Variants in LRP2 observed in about 807,000 individuals in gnomAD.
LRP2 encodes the protein LDL receptor related protein 2.
Under a neutral mutation model 531.0 loss-of-function variants are expected in LRP2, and 172 were observed. The observed-to-expected ratio is 0.32, with a 90% CI of 0.29 to 0.37. LRP2 has a LOEUF of 0.37. LRP2 is among the 10% of genes least tolerant of loss of function. The pLI, the probability that LRP2 is intolerant of heterozygous loss-of-function variation, is 1.00. For missense variants in LRP2, 5,167 were observed against 5,868.3 expected, an observed-to-expected ratio of 0.88 and a Z score of 3.90; for synonymous variants, 1,992 against 2,027.6, an observed-to-expected ratio of 0.98 and a Z score of 0.47.
intron 16 of LRP2, among the ~76,000 whole-genome samples, chr2:169,260,418 G>T (rs1690498472): frequency 6.6e-6 from 1 of 152,022 alleles, no homozygotes; most frequent in Admixed American, 6.6e-5. Flanking sequence ...AAAAGAGAGG[G>T]AGATGTTCAT....
At chr2:169,327,233 GGGGGGT>G (rs1685100678) in intron 1 of LRP2, among the ~76,000 whole-genome samples, 1 of 126,722 alleles carries the variant, frequency 7.9e-6, no homozygotes, top group Non-Finnish European at 1.7e-5. Flanking sequence ...GAGGGAGGTG[GGGGGGT>G]CAGCCCCACG....
chr2:169,214,606 C>T (rs1005503454), intron 35 of LRP2, among the ~76,000 whole-genome samples: 1 of 152,160 alleles, frequency 6.6e-6, no homozygotes, highest in Non-Finnish European at 1.5e-5. Flanking sequence ...AGTGGTTATG[C>T]TGATGAAACT....
At chr2:169,257,398 C>T in intron 17 of LRP2, 149 bp from the exon 18 acceptor site, 1 of 790,556 alleles carries the variant, frequency 1.3e-6, no homozygotes, top group Non-Finnish European at 2.1e-6. Context: ...TAGTGTATAA[C>T]TCATGTAATT....
rs1295735606 is a variant in LRP2 at position 169,206,598 on chromosome 2, G to A, written c.7122C>T (p.Thr2374=). 6.2e-7 allele frequency: 1 copy of A among 1,614,070 alleles called. No individual in the cohort carries two copies. The highest frequency in any genetic ancestry group is 8.5e-7 in the Non-Finnish European group (1 of 1,180,016). Residue 2374 remains threonine, a synonymous_variant, in exon 39 of 79, where the codon ACC becomes ACT. Coordinates refer to ENST00000649046, the MANE Select transcript of LRP2 (RefSeq NM_004525.3). ...CACAATTCTTGCCATCACTTTGCAG[G>A]GTCCCAAAGGCACAGTCACATTTTG... ...HTPKCDCAFG[T]LQSDGKNCAI...
chr2:169,184,771 TG>T (rs1270566039), intron 50 of LRP2, among the ~76,000 whole-genome samples: 8 of 72,282 alleles, frequency 1.1e-4, no homozygotes, highest in African/African-American at 4.7e-4. Context: ...TTGTTTGTTT[TG>T]TTTTTTTTGA....
intron 76 of LRP2, among the ~76,000 whole-genome samples, chr2:169,134,906 C>T (rs2105330948): frequency 6.6e-6 from 1 of 152,300 alleles, no homozygotes. Flanking sequence ...AATGCTTATG[C>T]TGATAAATTA....
chr2:169,223,381 C>A (rs1430971820), intron 33 of LRP2, among the ~76,000 whole-genome samples: 1 of 152,018 alleles, frequency 6.6e-6, no homozygotes, highest in Non-Finnish European at 1.5e-5. Flanking sequence ...AGAAGAGAAC[C>A]CCATTTACTA....
intron 1 of LRP2, among the ~76,000 whole-genome samples, chr2:169,335,816 C>A (rs1330519173): frequency 2.6e-5 from 4 of 152,102 alleles, no homozygotes; most frequent in African/African-American, 7.2e-5. Flanking sequence ...GAGTTCAAGA[C>A]CAGCCTGGCC....
chr2:169,237,935 G>A (rs944224650), intron 27 of LRP2, among the ~76,000 whole-genome samples, 156 bp downstream of exon 27: 4 of 152,160 alleles, frequency 2.6e-5, no homozygotes, highest in African/African-American at 9.7e-5. Context: ...TAAATTCGTA[G>A]TTATGAACAC....
intron 9 of LRP2, among the ~76,000 whole-genome samples, chr2:169,284,368 G>A (rs145577206): frequency 0.049 from 6,610 of 134,902 alleles, 265 homozygotes; most frequent in African/African-American, 0.11. Flanking sequence ...GGGTTCAAGT[G>A]ATCCTTCCAC....
intron 6 of LRP2, among the ~76,000 whole-genome samples, chr2:169,293,272 G>A (rs954811734): frequency 3.9e-5 from 6 of 152,182 alleles, no homozygotes; most frequent in African/African-American, 1.4e-4. Flanking sequence ...AAAAACATAA[G>A]TGGAGAGGTG....
intron 38 of LRP2, 145 bp from the exon 39 acceptor site, chr2:169,207,395 T>G: frequency 1.5e-6 from 1 of 665,096 alleles, no homozygotes; most frequent in Non-Finnish European, 2.7e-6. Flanking sequence ...TGTCCCAGTC[T>G]AGGCTTAGAA....
rs144737909 is a variant in LRP2 at position 169,233,585 on chromosome 2, T to C, written c.4924A>G (p.Ile1642Val). 4.9e-4 allele frequency: 792 copies of C among 1,614,072 alleles called. 5 individuals carry two copies. In the African/African-American group the frequency reaches 9.5e-3, roughly 19 times the overall value. The change falls in exon 30 of 79, where the codon ATA (isoleucine) becomes GTA (valine). Residue 1642 changes from isoleucine (I) to valine (V), a missense_variant. Transcript: ENST00000649046. ...AGAGTTAGGGCATAGGGGTGCCGTA[T>C]AATCTGTGAGGCAGAAGAGAACAGT... Reference protein sequence around the residue: ...RRQVIASDLIIRHPYALTLFE... With the variant: ...RRQVIASDLIVRHPYALTLFE...
At chr2:169,220,377 A>G in intron 34 of LRP2, 77 bp downstream of exon 34, 2 of 1,063,334 alleles carry the variant, frequency 1.9e-6, no homozygotes, top group Admixed American at 1.7e-5. Context: ...TAAATTTGAA[A>G]TCTTCCATTT....
chr2:169,237,534 G>A (rs1039837260), intron 27 of LRP2, among the ~76,000 whole-genome samples: 4 of 152,094 alleles, frequency 2.6e-5, no homozygotes, highest in East Asian at 1.9e-4. Context: ...GCATAGTTTC[G>A]TTTTGGTTTC....
chr2:169,303,610 T>A (rs150792436), intron 4 of LRP2, among the ~76,000 whole-genome samples: 83 of 152,324 alleles, frequency 5.4e-4, no homozygotes, highest in African/African-American at 1.9e-3. Context: ...TGTATATATC[T>A]GACTGTGACC....
At chr2:169,184,641 C>T (rs1365135976) in intron 50 of LRP2, among the ~76,000 whole-genome samples, 1 of 152,194 alleles carries the variant, frequency 6.6e-6, no homozygotes, top group Non-Finnish European at 1.5e-5. Context: ...CACTGGCCTG[C>T]CTTAAAGACT....
intron 8 of LRP2, among the ~76,000 whole-genome samples, chr2:169,290,422 G>A (rs1559059511): frequency 6.6e-6 from 1 of 151,922 alleles, no homozygotes; most frequent in Non-Finnish European, 1.5e-5. Flanking sequence ...TTAGGAACGG[G>A]GAGTTGCTAA....
intron 3 of LRP2, among the ~76,000 whole-genome samples, chr2:169,309,946 G>A (rs1023869605): frequency 2.0e-5 from 3 of 152,088 alleles, no homozygotes; most frequent in East Asian, 1.9e-4. Context: ...CACATCCCTT[G>A]TAAGTTGGAT....
Sources: gnomAD v4.1 joint callset for allele counts (sites outside exome capture counted in the v4.1 genomes callset) on GRCh38, gnomAD v4.1.1 for gene constraint, MANE v1.5 for transcripts, NCBI Gene and HGNC (gene_info 2026-07-23, HGNC 2026-07-21) for gene names.